PRKCA: variants seen among roughly 807,000 people sequenced by gnomAD.
PRKCA encodes the protein protein kinase C alpha type.
PRKCA carries 27 observed loss-of-function variants against 87.0 expected under a neutral mutation model. That is an observed-to-expected ratio of 0.31 (90% CI 0.23 to 0.43). The LOEUF (loss-of-function observed/expected upper bound fraction) is 0.43. Among genes scored for constraint, PRKCA ranks in the 20% least tolerant of loss-of-function variants. PRKCA has a pLI of 1.00. For missense variants in PRKCA, 518 were observed against 852.3 expected (o/e 0.61, Z 4.88); for synonymous variants, 329 against 311.1 (o/e 1.06, Z -0.61).
At chr17:66,607,543 C>T (rs1329564018) in intron 3 of PRKCA, among the ~76,000 whole-genome samples, 2 of 152,140 alleles carry the variant, frequency 1.3e-5, no homozygotes, top group East Asian at 3.9e-4. Flanking sequence ...TTTTCTCCTC[C>T]CTTATGTCTT....
At chr17:66,767,621 A>G (rs968057866) in intron 13 of PRKCA, among the ~76,000 whole-genome samples, 4 of 152,202 alleles carry the variant, frequency 2.6e-5, no homozygotes, top group African/African-American at 7.2e-5. Context: ...AACACAACCA[A>G]TATTTCCTTA....
rs771675464 is a variant in PRKCA at position 66,688,431 on chromosome 17, T to A, written c.816T>A (p.Ser272Arg). ...GVSELMKMPA[S>R]GWYKLLNQEE... ...CGGAGCTGATGAAGATGCCGGCCAGTGGATGGTATGGAAGCCGCTTAGGTT... is the reference window on the plus strand; with the variant it reads ...CGGAGCTGATGAAGATGCCGGCCAGAGGATGGTATGGAAGCCGCTTAGGTT... The change falls in exon 7 of 17, where the codon AGT becomes AGA. Residue 272 changes from serine (S) to arginine (R), a missense_variant. Physicochemically the swap from Ser to Arg is moderately radical, Grantham distance 110. Transcript: ENST00000413366. 37 of 1,613,916 alleles carry A rather than the reference T, an allele frequency of 2.3e-5. No individual in the cohort carries two copies. The highest frequency in any genetic ancestry group is 9.3e-5 in the African/African-American group (7 of 74,888).
intron 3 of PRKCA, among the ~76,000 whole-genome samples, chr17:66,514,608 A>G (rs1265890670): frequency 6.6e-6 from 1 of 152,140 alleles, no homozygotes; most frequent in African/African-American, 2.4e-5. Context: ...GGCCTCCTCC[A>G]GCGTTTAGTT....
At chr17:66,798,968 ATGGTGGTGGTGGTGG>A (rs1555650885) in intron 16 of PRKCA, among the ~76,000 whole-genome samples, 1 of 10,890 alleles carries the variant, frequency 9.2e-5, no homozygotes, top group Non-Finnish European at 1.7e-4. Context: ...GGTGGTGGTG[ATGGTGGTGGTGGTGG>A]TGGTGGTGGT....
intron 5 of PRKCA, among the ~76,000 whole-genome samples, chr17:66,661,009 G>A (rs957755520): frequency 6.6e-6 from 1 of 152,144 alleles, no homozygotes; most frequent in Non-Finnish European, 1.5e-5. Context: ...GAAACGCAAG[G>A]GTGGGAATGC....
At chr17:66,359,876 C>A (rs911228928) in intron 2 of PRKCA, among the ~76,000 whole-genome samples, 1 of 152,174 alleles carries the variant, frequency 6.6e-6, no homozygotes, top group Non-Finnish European at 1.5e-5. Flanking sequence ...TTTTGGAGAA[C>A]TGGATTAAGT....
At chr17:66,455,792 C>T (rs1030433285) in intron 2 of PRKCA, among the ~76,000 whole-genome samples, 25 of 152,122 alleles carry the variant, frequency 1.6e-4, no homozygotes, top group Admixed American at 7.2e-4. Flanking sequence ...GGGAGTGAGA[C>T]GTTCATATCA....
intron 2 of PRKCA, among the ~76,000 whole-genome samples, chr17:66,350,024 G>A (rs1310800772): frequency 6.6e-6 from 1 of 152,096 alleles, no homozygotes; most frequent in East Asian, 1.9e-4. Context: ...GGGCAGCTGA[G>A]CACCTAATGG....
intron 5 of PRKCA, among the ~76,000 whole-genome samples, chr17:66,663,022 C>T (rs1220241300): frequency 6.6e-6 from 1 of 152,178 alleles, no homozygotes. Flanking sequence ...TAGCAGATCC[C>T]TCTTCTGCTG....
chr17:66,452,987 CT>C (rs1338283903), intron 2 of PRKCA, among the ~76,000 whole-genome samples: 1 of 152,244 alleles, frequency 6.6e-6, no homozygotes, highest in Non-Finnish European at 1.5e-5. Context: ...TCGAGATGTG[CT>C]GTGTGTCACA....
intron 2 of PRKCA, among the ~76,000 whole-genome samples, chr17:66,344,642 G>GT (rs1318568328): frequency 1.3e-5 from 2 of 152,248 alleles, no homozygotes; most frequent in Non-Finnish European, 2.9e-5. Context: ...GCTTAGAAAT[G>GT]TAAGTAAATG....
intron 14 of PRKCA, chr17:66,777,819 T>C: frequency 4.1e-6 from 4 of 985,358 alleles, no homozygotes; most frequent in Non-Finnish European, 4.8e-6. Flanking sequence ...GTGAGTAGAC[T>C]CTTGGCCAGC....
At chr17:66,355,417 T>G (rs747077890) in intron 2 of PRKCA, among the ~76,000 whole-genome samples, 1 of 152,192 alleles carries the variant, frequency 6.6e-6, no homozygotes, top group African/African-American at 2.4e-5. Context: ...GTGATGGAGC[T>G]CCTGAGGTAT....
chr17:66,654,501 C>T (rs1410409369), intron 5 of PRKCA, among the ~76,000 whole-genome samples: 1 of 152,228 alleles, frequency 6.6e-6, no homozygotes, highest in African/African-American at 2.4e-5. Flanking sequence ...TGCCCAGCTG[C>T]CTCTAGCACA....
chr17:66,354,533 C>T (rs183981660), intron 2 of PRKCA, among the ~76,000 whole-genome samples: 4 of 151,962 alleles, frequency 2.6e-5, no homozygotes, highest in African/African-American at 7.3e-5. Context: ...AAGATTAAAA[C>T]CCCTCTTCAT....
At chr17:66,491,393 C>T (rs1916240039) in intron 2 of PRKCA, among the ~76,000 whole-genome samples, 1 of 152,168 alleles carries the variant, frequency 6.6e-6, no homozygotes, top group Non-Finnish European at 1.5e-5. Flanking sequence ...TGTTTAAGGG[C>T]CAAGGGGGGC....
intron 2 of PRKCA, among the ~76,000 whole-genome samples, chr17:66,482,900 A>G (rs1311039946): frequency 1.3e-5 from 2 of 152,202 alleles, no homozygotes; most frequent in Admixed American, 6.5e-5. Flanking sequence ...GGTTTAAATA[A>G]CTTTTTCACT....
chr17:66,610,052 C>A (rs1970310694), intron 3 of PRKCA, among the ~76,000 whole-genome samples: 1 of 152,102 alleles, frequency 6.6e-6, no homozygotes. Context: ...CAACACTGCC[C>A]CCCACCATCC....
At chr17:66,661,093 T>C (rs1054428202) in intron 5 of PRKCA, among the ~76,000 whole-genome samples, 4 of 152,168 alleles carry the variant, frequency 2.6e-5, no homozygotes, top group African/African-American at 9.7e-5. Flanking sequence ...CATACTGCCT[T>C]CATTTGTTTC....
Sources: gnomAD v4.1 joint callset for allele counts (sites outside exome capture counted in the v4.1 genomes callset) on GRCh38, gnomAD v4.1.1 for gene constraint, MANE v1.5 for transcripts, NCBI Gene and HGNC (gene_info 2026-07-23, HGNC 2026-07-21) for gene names.